Variants in TTC7B observed in about 807,000 individuals in gnomAD.
The protein encoded by TTC7B is tetratricopeptide repeat protein 7B.
Under a neutral mutation model 106.8 loss-of-function variants are expected in TTC7B, and 28 were observed. That is an observed-to-expected ratio of 0.26 (90% confidence interval 0.19 to 0.36). The LOEUF is 0.36. Among genes scored for constraint, TTC7B ranks in the 10% least tolerant of loss-of-function variants. The pLI, the probability that TTC7B is intolerant of heterozygous loss-of-function variation, is 1.00. For missense variants in TTC7B, 862 were observed against 1,076.4 expected (o/e 0.80, Z 2.79); for synonymous variants, 405 against 430.6 (o/e 0.94, Z 0.74).
At chr14:90,636,466 T>C (rs1435468350) in intron 15 of TTC7B, among the ~76,000 whole-genome samples, 1 of 145,354 alleles carries the variant, frequency 6.9e-6, no homozygotes, top group Non-Finnish European at 1.5e-5. Flanking sequence ...GCCATCCCAG[T>C]GGTAGATTTC....
intron 8 of TTC7B, among the ~76,000 whole-genome samples, chr14:90,678,732 T>C (rs1226245129): frequency 6.6e-6 from 1 of 152,204 alleles, no homozygotes; most frequent in Non-Finnish European, 1.5e-5. Flanking sequence ...ATCACTTCAA[T>C]TAAGAAGCAG....
At chr14:90,592,724 C>A (rs1419093835) in intron 18 of TTC7B, among the ~76,000 whole-genome samples, 1 of 148,452 alleles carries the variant, frequency 6.7e-6, no homozygotes, top group South Asian at 2.1e-4. Context: ...AAAAAAAAAG[C>A]CTGGACACTG....
At chr14:90,550,287 C>T (rs370737703) in intron 19 of TTC7B, among the ~76,000 whole-genome samples, 3 of 152,198 alleles carry the variant, frequency 2.0e-5, no homozygotes, top group South Asian at 4.2e-4. Flanking sequence ...CTGCCCCTGC[C>T]TCATCTGTTG....
intron 4 of TTC7B, among the ~76,000 whole-genome samples, chr14:90,732,959 C>G (rs74084314): frequency 0.02 from 2,998 of 152,248 alleles, 32 homozygotes; most frequent in African/African-American, 0.04. Flanking sequence ...CTTTCCTATT[C>G]CTTCATTACA....
chr14:90,626,828 C>T (rs545395909), intron 15 of TTC7B, among the ~76,000 whole-genome samples: 12 of 152,140 alleles, frequency 7.9e-5, no homozygotes, highest in East Asian at 3.9e-4. Flanking sequence ...GAACCAGTGA[C>T]GGGGGGTTTA....
At chr14:90,711,733 A>T (rs1048385602) in intron 5 of TTC7B, among the ~76,000 whole-genome samples, 1 of 152,178 alleles carries the variant, frequency 6.6e-6, no homozygotes, top group Non-Finnish European at 1.5e-5. Flanking sequence ...AAAACAGAAA[A>T]TTTTTTCCAA....
rs1884325876 is a variant in TTC7B at position 90,624,006 on chromosome 14, GAC to G, written c.1752-5963_1752-5962del. On this transcript the variant is annotated intron_variant, in intron 15 of 19. Transcript: ENST00000328459. This position sits in a 1 kb window ranked among gnomAD's most constrained non-coding sequence, Gnocchi z 4.0. The stretch of plus-strand genomic sequence containing the variant: ...ACTGCACTCCAGCCTGAGCGACAGA[GAC>G]AGACTCTGTCTCAAACAACAAAACA... Among the ~76,000 whole-genome samples, 1 of 152,208 alleles carries G rather than the reference GAC, an allele frequency of 6.6e-6. No homozygotes were observed. The highest frequency in any genetic ancestry group is 1.5e-5 in the Non-Finnish European group (1 of 68,036).
intron 17 of TTC7B, among the ~76,000 whole-genome samples, chr14:90,598,620 C>T (rs927828613): frequency 6.6e-6 from 1 of 152,214 alleles, no homozygotes; most frequent in African/African-American, 2.4e-5. Context: ...TTTTCTGACC[C>T]GTGCTCCTAT....
intron 15 of TTC7B, among the ~76,000 whole-genome samples, chr14:90,637,083 T>G (rs1184240131): frequency 1.3e-5 from 2 of 151,614 alleles, no homozygotes; most frequent in Non-Finnish European, 2.9e-5. Flanking sequence ...ACAAGTGAGT[T>G]GACAAAAAAG....
rs998461234 is a variant in TTC7B, at chr14:90,525,678, C to T, written c.*15690G>A. ...GATGTCCAGATTGTTAGACGGTGGG[C>T]TTCATCCGTCCTACCTCGCCCAACC... On this transcript the variant is annotated 3_prime_UTR_variant, in exon 20 of 20. Coordinates refer to ENST00000328459, the MANE Select transcript of TTC7B (RefSeq NM_001010854.2). 1.3e-5 allele frequency: 2 copies of T among 149,706 alleles called. No individual in the cohort carries two copies. Among genetic ancestry groups the T allele is most frequent in the Non-Finnish European group, 3.0e-5 (2 of 67,490 alleles). 9.3% of individuals were successfully genotyped at this position (149,706 alleles called of 1,614,324 possible).
intron 7 of TTC7B, among the ~76,000 whole-genome samples, chr14:90,684,522 A>T (rs961117345): frequency 6.6e-6 from 1 of 152,228 alleles, no homozygotes; most frequent in Non-Finnish European, 1.5e-5. Context: ...ATTGGAGGAC[A>T]GTCATAAAAT....
chr14:90,741,117 A>G (rs1163023579), intron 4 of TTC7B, among the ~76,000 whole-genome samples: 1 of 152,096 alleles, frequency 6.6e-6, no homozygotes, highest in Non-Finnish European at 1.5e-5. Flanking sequence ...ACTGGCAGTC[A>G]CTCACCCGCA....
chr14:90,645,530 T>C (rs1450437002), intron 14 of TTC7B, among the ~76,000 whole-genome samples: 3 of 152,244 alleles, frequency 2.0e-5, no homozygotes, highest in Admixed American at 2.0e-4. Flanking sequence ...CTCGGAGCTC[T>C]GGTGTTCTGA....
intron 13 of TTC7B, among the ~76,000 whole-genome samples, chr14:90,650,492 TG>T (rs774289810): frequency 2.7e-4 from 41 of 152,318 alleles, no homozygotes; most frequent in Non-Finnish European, 5.7e-4. Context: ...GAGATTGGGA[TG>T]GCTGATCACC....
chr14:90,725,453 A>G (rs1397917381), intron 5 of TTC7B, among the ~76,000 whole-genome samples: 1 of 152,236 alleles, frequency 6.6e-6, no homozygotes, highest in African/African-American at 2.4e-5. Context: ...AGTCTAGGTT[A>G]CACTGAGCAG....
At chr14:90,688,340 A>G (rs974483118) in intron 7 of TTC7B, among the ~76,000 whole-genome samples, 2 of 151,974 alleles carry the variant, frequency 1.3e-5, no homozygotes, top group Admixed American at 1.3e-4. Context: ...AAATACAAAA[A>G]TTGTCCCAGC....
intron 10 of TTC7B, 51 bp downstream of exon 10, chr14:90,658,253 T>C (rs760473429): frequency 2.7e-6 from 4 of 1,455,228 alleles, no homozygotes; most frequent in African/African-American, 1.4e-5. Flanking sequence ...TTCAACTCTT[T>C]GGCCTTAATA....
At chr14:90,623,384 T>C (rs1336179281) in intron 15 of TTC7B, among the ~76,000 whole-genome samples, 3 of 152,152 alleles carry the variant, frequency 2.0e-5, no homozygotes, top group Non-Finnish European at 4.4e-5. Flanking sequence ...CCCAAATCCA[T>C]GTGAATAAGA....
chr14:90,605,577 A>G (rs1021976237), intron 17 of TTC7B: 22 of 1,268,102 alleles, frequency 1.7e-5, no homozygotes, highest in Non-Finnish European at 2.1e-5. Context: ...GTCTCACAAG[A>G]AAGGAAAAAC....
Sources: allele counts gnomAD v4.1 joint callset (sites outside exome capture counted in the v4.1 genomes callset), GRCh38; gene constraint gnomAD v4.1.1; non-coding constraint Gnocchi (gnomAD v3.1); transcripts MANE v1.5; gene names NCBI Gene and HGNC (gene_info 2026-07-23, HGNC 2026-07-21).